The following TBC1D5 variants were observed in gnomAD, a reference collection of about 807,000 sequenced individuals.
TBC1D5 encodes the protein TBC1 domain family, member 5.
TBC1D5 carries 75 observed loss-of-function variants against 100.3 expected under a neutral mutation model. The ratio of observed to expected loss-of-function variants is 0.75; its 90% CI spans 0.62 to 0.91. TBC1D5 has a LOEUF of 0.91. TBC1D5 is among the 40% of genes least tolerant of loss of function. TBC1D5 has a pLI of 0.00. For missense variants in TBC1D5, 910 were observed against 942.4 expected, an observed-to-expected ratio of 0.97 and a Z score of 0.45; for synonymous variants, 323 against 325.6, an observed-to-expected ratio of 0.99 and a Z score of 0.09.
At chr3:17,586,401 T>C (rs1236044916) in intron 2 of TBC1D5, 1 of 152,112 alleles carries the variant, frequency 6.6e-6, no homozygotes, top group Non-Finnish European at 1.5e-5. Context: ...CATGTGAAAA[T>C]GCATGTTCTT....
intron 8 of TBC1D5, 47 bp from the exon 9 acceptor site, chr3:17,384,062 G>C: frequency 2.0e-6 from 3 of 1,476,238 alleles, no homozygotes; most frequent in Non-Finnish European, 2.8e-6. Context: ...ACAGTTTCAA[G>C]AATCACTCTC....
chr3:17,642,564 C>T (rs1468598841), intron 1 of TBC1D5, among the ~76,000 whole-genome samples: 1 of 152,086 alleles, frequency 6.6e-6, no homozygotes, highest in Non-Finnish European at 1.5e-5. Flanking sequence ...CTTCCACATA[C>T]TCGTCAACTA....
At chr3:17,562,728 T>C (rs144914966) in intron 2 of TBC1D5, among the ~76,000 whole-genome samples, 128 of 152,316 alleles carry the variant, frequency 8.4e-4, no homozygotes, top group Admixed American at 3.9e-3. Flanking sequence ...AGGACCCAAA[T>C]GGCAAATCAA....
At chr3:17,445,020 A>AT (rs756189758) in intron 3 of TBC1D5, among the ~76,000 whole-genome samples, 65 of 152,278 alleles carry the variant, frequency 4.3e-4, no homozygotes, top group Middle Eastern at 3.4e-3. Flanking sequence ...GAGCATCTGC[A>AT]TTTTGTAACC....
At chr3:17,187,567 A>G (rs2069291072) in intron 18 of TBC1D5, among the ~76,000 whole-genome samples, 1 of 152,232 alleles carries the variant, frequency 6.6e-6, no homozygotes, top group African/African-American at 2.4e-5. Context: ...CCACAGATCT[A>G]TGATGGGAGT....
intron 9 of TBC1D5, 76 bp downstream of exon 9, chr3:17,383,837 T>C: frequency 8.7e-7 from 1 of 1,145,184 alleles, no homozygotes; most frequent in Non-Finnish European, 1.3e-6. Flanking sequence ...AAAGGCTACA[T>C]TATTGCTCTA....
rs76583425 is a variant in TBC1D5 at position 17,605,202 on chromosome 3, T to C, written c.-36+18647A>G. On this transcript the variant is annotated intron_variant, in intron 2 of 21. Transcript: ENST00000253692. Reference sequence around the variant, plus strand: ...CTCAGGTTGTCTTTGCATGAATGAGTGACTCATCAACATGGTTTTTTTTTA... The same window carrying C: ...CTCAGGTTGTCTTTGCATGAATGAGCGACTCATCAACATGGTTTTTTTTTA... 7.2e-5 allele frequency among the ~76,000 whole-genome samples: 11 copies of C among 152,270 alleles called. No individual in the cohort carries two copies. The East Asian group carries it at 2.1e-3, about 29-fold the overall frequency.
intron 19 of TBC1D5, among the ~76,000 whole-genome samples, chr3:17,169,506 A>T (rs2066961780): frequency 1.3e-5 from 2 of 152,230 alleles, no homozygotes; most frequent in Non-Finnish European, 2.9e-5. Flanking sequence ...CTTCTTACAT[A>T]CTGTAGCAGA....
At chr3:17,630,140 C>T (rs368991928) in intron 1 of TBC1D5, among the ~76,000 whole-genome samples, 2 of 152,178 alleles carry the variant, frequency 1.3e-5, no homozygotes, top group African/African-American at 4.8e-5. Flanking sequence ...GGAGGAAGTT[C>T]TCAACCAAGT....
chr3:17,597,227 A>G (rs1020929848), intron 2 of TBC1D5, among the ~76,000 whole-genome samples: 2 of 152,226 alleles, frequency 1.3e-5, no homozygotes, highest in Admixed American at 1.3e-4. Flanking sequence ...TAGGGAATAA[A>G]AGGCCAAAGA....
intron 1 of TBC1D5, among the ~76,000 whole-genome samples, chr3:17,730,559 G>C (rs1406080166): frequency 6.6e-6 from 1 of 152,144 alleles, no homozygotes; most frequent in Non-Finnish European, 1.5e-5. Flanking sequence ...CTATGTAAGT[G>C]AGCCATTTGG....
intron 13 of TBC1D5, among the ~76,000 whole-genome samples, chr3:17,345,949 T>C (rs1242524314): frequency 6.6e-6 from 1 of 151,696 alleles, no homozygotes; most frequent in East Asian, 1.9e-4. Flanking sequence ...GGGATAGCAT[T>C]AGGAGATATA....
intron 1 of TBC1D5, among the ~76,000 whole-genome samples, chr3:17,706,725 T>C (rs2074219236): frequency 6.6e-6 from 1 of 151,986 alleles, no homozygotes; most frequent in African/African-American, 2.4e-5. Context: ...TAATTATATA[T>C]TTGAGTTTAA....
intron 2 of TBC1D5, among the ~76,000 whole-genome samples, chr3:17,588,501 T>TA (rs1193904336): frequency 6.6e-6 from 1 of 152,156 alleles, no homozygotes; most frequent in East Asian, 1.9e-4. Context: ...AGTGTATAAG[T>TA]TACTGCTGCC....
chr3:17,172,726 C>A (rs573686155), intron 19 of TBC1D5, among the ~76,000 whole-genome samples: 1 of 152,302 alleles, frequency 6.6e-6, no homozygotes, highest in South Asian at 2.1e-4. Context: ...AGATCTCGAA[C>A]TCTCAGGGTA....
chr3:17,432,332 CT>C (rs2094459436), intron 3 of TBC1D5, among the ~76,000 whole-genome samples: 1 of 152,052 alleles, frequency 6.6e-6, no homozygotes, highest in Non-Finnish European at 1.5e-5. Flanking sequence ...TTTTAGTTAA[CT>C]TTAAAATCCT....
intron 15 of TBC1D5, among the ~76,000 whole-genome samples, chr3:17,285,461 C>T (rs1212256872): frequency 1.3e-5 from 2 of 151,470 alleles, no homozygotes; most frequent in African/African-American, 2.4e-5. Flanking sequence ...GGGGTTTCAC[C>T]GTGTTAGCCA....
chr3:17,178,066 C>CCCCT, intron 19 of TBC1D5, among the ~76,000 whole-genome samples: 1 of 130,062 alleles, frequency 7.7e-6, no homozygotes, highest in Admixed American at 8.0e-5. Flanking sequence ...AATAGTGCTC[C>CCCCT]TTTTTTTTTT....
At chr3:17,434,829 C>A (rs1575916372) in intron 3 of TBC1D5, among the ~76,000 whole-genome samples, 1 of 152,150 alleles carries the variant, frequency 6.6e-6, no homozygotes, top group East Asian at 1.9e-4. Context: ...TTTCCCCCTA[C>A]TACATTGTCA....
Sources: allele counts gnomAD v4.1 joint callset (sites outside exome capture counted in the v4.1 genomes callset), GRCh38; gene constraint gnomAD v4.1.1; transcripts MANE v1.5; gene names NCBI Gene and HGNC (gene_info 2026-07-23, HGNC 2026-07-21).